Variants in ERC1 observed in about 807,000 individuals in gnomAD.
ERC1 encodes the protein RAB6 interacting protein 2.
A neutral mutation model predicts 132.0 loss-of-function variants in ERC1; 56 were observed. The ratio of observed to expected loss-of-function variants is 0.42; its 90% CI spans 0.34 to 0.53. The LOEUF (loss-of-function observed/expected upper bound fraction) is 0.53. Ranked by LOEUF, ERC1 falls within the 20% of genes least tolerant of loss-of-function variation. The pLI is 0.03. For synonymous variants in ERC1, 478 were observed against 476.1 expected, an observed-to-expected ratio of 1.00 and a Z score of -0.05; for missense variants, 1,202 against 1,349.9, an observed-to-expected ratio of 0.89 and a Z score of 1.72.
chr12:1,487,668 C>T (rs1232319264), intron 18 of ERC1, among the ~76,000 whole-genome samples: 1 of 150,838 alleles, frequency 6.6e-6, no homozygotes, highest in Non-Finnish European at 1.5e-5. Context: ...CACAGTGAGC[C>T]TGATCAAACC....
intron 16 of ERC1, among the ~76,000 whole-genome samples, chr12:1,387,762 G>T (rs1368696804): frequency 2.0e-5 from 3 of 152,178 alleles, no homozygotes; most frequent in Non-Finnish European, 4.4e-5. Flanking sequence ...ACTTGGGGCC[G>T]CTAGAACTGT....
chr12:1,108,284 G>T (rs1430111744), intron 4 of ERC1, among the ~76,000 whole-genome samples: 4 of 152,300 alleles, frequency 2.6e-5, no homozygotes, highest in African/African-American at 9.6e-5. Context: ...TGTGTTTAGG[G>T]TAGGGGAGAA....
At chr12:1,258,548 A>G (rs903996304) in intron 13 of ERC1, among the ~76,000 whole-genome samples, 9 of 152,182 alleles carry the variant, frequency 5.9e-5, no homozygotes, top group South Asian at 2.1e-4. Context: ...TCTCAAGTCT[A>G]ATATGACATC....
chr12:1,043,048 C>CTT lies in ERC1; in HGVS notation c.669+14489_669+14490dup, dbSNP rs397940397. ...CTTTCTTTTTCTTTTCTTTTCTTTT[C>CTT]TTTTTTTTTTTTTTAGACAGAGCCT... On this transcript the variant is annotated intron_variant, in intron 2 of 18. Transcript: ENST00000360905. 2.9e-4 allele frequency among the ~76,000 whole-genome samples: 35 copies of CTT among 119,022 alleles called. 1 individual carries two copies. The highest frequency in any genetic ancestry group is 4.1e-4 in the African/African-American group (13 of 31,848). The allele number at this position is 119,022 out of a possible 152,430, so 78.1% of individuals were successfully genotyped here.
At chr12:1,000,009 T>A (rs1018362099) in intron 1 of ERC1, among the ~76,000 whole-genome samples, 6 of 152,224 alleles carry the variant, frequency 3.9e-5, no homozygotes, top group African/African-American at 1.4e-4. Context: ...GTGGCAACTC[T>A]TGAACAGTCA....
intron 14 of ERC1, among the ~76,000 whole-genome samples, chr12:1,268,721 G>T (rs1304158278): frequency 6.6e-6 from 1 of 152,144 alleles, no homozygotes; most frequent in African/African-American, 2.4e-5. Context: ...AGCTGAGATC[G>T]TGCCACTGCA....
At chr12:1,015,668 GTTTAT>G (rs1253553191) in intron 1 of ERC1, among the ~76,000 whole-genome samples, 1 of 152,046 alleles carries the variant, frequency 6.6e-6, no homozygotes, top group African/African-American at 2.4e-5. Context: ...TAAATTTTTG[GTTTAT>G]TGTTCATCTT....
chr12:1,341,406 C>T (rs1369999666), intron 15 of ERC1, among the ~76,000 whole-genome samples: 2 of 152,170 alleles, frequency 1.3e-5, no homozygotes, highest in Middle Eastern at 3.4e-3. Flanking sequence ...AGACTTGGAA[C>T]CAACCCAAAT....
chr12:1,206,810 G>A (rs913288650), intron 12 of ERC1, among the ~76,000 whole-genome samples: 19 of 152,014 alleles, frequency 1.2e-4, no homozygotes, highest in Admixed American at 3.3e-4. Context: ...TTAATTATCA[G>A]TTACCACTGT....
chr12:1,153,126 T>C (rs1950987943), intron 8 of ERC1: 1 of 152,266 alleles, frequency 6.6e-6, no homozygotes, highest in Non-Finnish European at 1.5e-5. Context: ...AAAGGTCATC[T>C]TTCCATTTCC....
At chr12:1,464,132 T>G (rs1171449202) in intron 18 of ERC1, among the ~76,000 whole-genome samples, 5 of 152,204 alleles carry the variant, frequency 3.3e-5, no homozygotes, top group South Asian at 4.1e-4. Flanking sequence ...TATTTGCAAT[T>G]CACTCCCGAT....
intron 4 of ERC1, among the ~76,000 whole-genome samples, chr12:1,107,713 G>A (rs1387686143): frequency 1.3e-5 from 2 of 152,210 alleles, no homozygotes; most frequent in African/African-American, 2.4e-5. Context: ...TGATGGAGAA[G>A]TCCCTGGATG....
In ERC1 at chr12:1,289,874, T is replaced by C. The variant is rs374514451; in HGVS notation, c.2642T>C (p.Met881Thr). 15 of 1,613,614 alleles carry C rather than the reference T, an allele frequency of 9.3e-6. No individual in the cohort carries two copies. The highest frequency in any genetic ancestry group is 7.6e-6 in the Non-Finnish European group (9 of 1,179,716). ...EKQVEELLMA[M>T]EKVKQELESM... ...TAGGTGGAGGAGTTACTGATGGCCA[T>C]GGAGAAGGTAAAGCAGGAACTAGAA... Residue 881 changes from methionine to threonine, a missense_variant, in exon 15 of 19, where the codon ATG becomes ACG. By Grantham distance (81) the Met-to-Thr change is moderately conservative (BLOSUM62 -1). Transcript: ENST00000360905.
At chr12:1,424,514 C>T (rs1591965179) in intron 17 of ERC1, among the ~76,000 whole-genome samples, 1 of 152,184 alleles carries the variant, frequency 6.6e-6, no homozygotes, top group East Asian at 1.9e-4. Flanking sequence ...TCTCTTATGT[C>T]TCTAAAAGAA....
At chr12:1,370,352 T>A (rs569913475) in intron 15 of ERC1, among the ~76,000 whole-genome samples, 1 of 152,358 alleles carries the variant, frequency 6.6e-6, no homozygotes, top group African/African-American at 2.4e-5. Flanking sequence ...TTTCAAAGTG[T>A]GCAGATCATT....
intron 15 of ERC1, among the ~76,000 whole-genome samples, chr12:1,360,482 C>T (rs1482227443): frequency 6.6e-6 from 1 of 152,086 alleles, no homozygotes; most frequent in East Asian, 1.9e-4. Context: ...GCAGGATGCC[C>T]CTAAAAATAA....
intron 15 of ERC1, among the ~76,000 whole-genome samples, chr12:1,334,097 G>T (rs1174273443): frequency 6.6e-6 from 1 of 151,946 alleles, no homozygotes; most frequent in African/African-American, 2.4e-5. Context: ...TAATGGGGTT[G>T]TTTTTTTCTT....
chr12:1,160,598 C>G (rs1374287072), intron 8 of ERC1, among the ~76,000 whole-genome samples: 1 of 152,084 alleles, frequency 6.6e-6, no homozygotes, highest in East Asian at 1.9e-4. Context: ...GTAATCCCAG[C>G]TACTGGGGAG....
chr12:1,332,290 G>A (rs996700870), intron 15 of ERC1, among the ~76,000 whole-genome samples: 4 of 152,098 alleles, frequency 2.6e-5, no homozygotes, highest in African/African-American at 7.2e-5. Flanking sequence ...CTGTTTTGTA[G>A]CTTTAGCGTC....
Sources: gnomAD v4.1 joint callset for allele counts (sites outside exome capture counted in the v4.1 genomes callset) on GRCh38, gnomAD v4.1.1 for gene constraint, MANE v1.5 for transcripts, NCBI Gene and HGNC (gene_info 2026-07-23, HGNC 2026-07-21) for gene names.